RBFOX1: variants seen among roughly 807,000 people sequenced by gnomAD.
RBFOX1 encodes the protein RNA binding fox-1 homolog 1.
RBFOX1 carries 8 observed loss-of-function variants against 57.7 expected under a neutral mutation model. The ratio of observed to expected loss-of-function variants is 0.14; its 90% CI spans 0.08 to 0.25. The LOEUF (loss-of-function observed/expected upper bound fraction) is 0.25, where lower values mean the gene tolerates loss of function less well. Ranked by LOEUF, RBFOX1 falls within the 10% of genes least tolerant of loss-of-function variation. The pLI, the probability that RBFOX1 is intolerant of heterozygous loss-of-function variation, is 1.00. For synonymous variants in RBFOX1, 326 were observed against 222.4 expected (o/e 1.47, Z -4.15); for missense variants, 611 against 548.5 (o/e 1.11, Z -1.14).
In RBFOX1 at chr16:5,984,964, ATATATATATATATTTT is replaced by A. The variant is rs1245913542; in HGVS notation, c.351+117631_351+117646del. On this transcript the variant is annotated intron_variant, in intron 4 of 19. Transcript: ENST00000641259. ...AACTCCATTATATATATATATATAT[ATATATATATATATTTT>A]TTTTTTTTTTTTTTTTCTTTGAGAC... Among the ~76,000 whole-genome samples the A allele has an allele frequency of 9.3e-3, 389 of 42,040 alleles. 6 individuals carry two copies. Among genetic ancestry groups the A allele is most frequent in the African/African-American group, 0.033 (367 of 11,146 alleles). 27.6% of individuals were successfully genotyped at this position (42,040 alleles called of 152,430 possible). A position where few individuals can be genotyped will look rare whatever the true frequency, so the allele number is the denominator to read the frequency against.
At chr16:7,055,048 T>C (rs2051655872) in intron 4 of RBFOX1, among the ~76,000 whole-genome samples, 1 of 152,188 alleles carries the variant, frequency 6.6e-6, no homozygotes, top group Admixed American at 6.5e-5. Context: ...AAACAGACAC[T>C]GTGAAGTGCT....
chr16:5,591,747 C>G (rs1479869440), intron 2 of RBFOX1, among the ~76,000 whole-genome samples: 2 of 152,166 alleles, frequency 1.3e-5, no homozygotes, highest in Admixed American at 1.3e-4. Flanking sequence ...TCTGGATTCA[C>G]TATAACTTAT....
intron 3 of RBFOX1, among the ~76,000 whole-genome samples, chr16:6,699,915 T>C (rs1351601623): frequency 6.6e-6 from 1 of 152,160 alleles, no homozygotes; most frequent in East Asian, 1.9e-4. Context: ...TAATGTTAAA[T>C]TTGTGGACAG....
At chr16:5,415,422 T>G (rs1042424344) in intron 1 of RBFOX1, among the ~76,000 whole-genome samples, 4 of 152,176 alleles carry the variant, frequency 2.6e-5, no homozygotes, top group Non-Finnish European at 4.4e-5. Flanking sequence ...ACGTGAGGAT[T>G]ACAATTAGAG....
chr16:5,970,050 C>G (rs2059932417), intron 4 of RBFOX1, among the ~76,000 whole-genome samples: 1 of 152,092 alleles, frequency 6.6e-6, no homozygotes, highest in African/African-American at 2.4e-5. Flanking sequence ...CAGATTGGCA[C>G]TCTACACATT....
intron 3 of RBFOX1, among the ~76,000 whole-genome samples, chr16:6,992,223 G>C (rs954426707): frequency 7.3e-5 from 11 of 151,638 alleles, no homozygotes; most frequent in African/African-American, 2.7e-4. Flanking sequence ...GAGTGCAGTG[G>C]TGCAATCTCG....
rs76734528 is a variant in RBFOX1 at position 5,920,987 on chromosome 16, T to C, written c.351+53652T>C. Among the ~76,000 whole-genome samples the C allele has an allele frequency of 5.6e-4, 85 of 152,334 alleles. No individual in the cohort carries two copies. In the East Asian group the frequency reaches 0.015, roughly 28 times the overall value. ...TGTTCTCCTCTTCCCTGTGTGACGT[T>C]GAGCAGGAGACTCCATGGATAATGG... On this transcript the variant is annotated intron_variant, in intron 4 of 19. Coordinates refer to the RBFOX1 transcript ENST00000641259.
At chr16:7,622,047 C>G (rs1456359495) in intron 10 of RBFOX1, among the ~76,000 whole-genome samples, 1 of 152,166 alleles carries the variant, frequency 6.6e-6, no homozygotes, top group Non-Finnish European at 1.5e-5. Context: ...TCGTAAAAAG[C>G]ATTCCTAGCT....
chr16:6,675,578 A>G (rs567931117), intron 3 of RBFOX1, among the ~76,000 whole-genome samples: 2 of 152,320 alleles, frequency 1.3e-5, no homozygotes, highest in Admixed American at 6.5e-5. Flanking sequence ...GCTGATAAAG[A>G]TGTACCTGAG....
intron 4 of RBFOX1, among the ~76,000 whole-genome samples, chr16:7,241,844 G>C (rs927214244): frequency 4.0e-5 from 6 of 151,640 alleles, no homozygotes; most frequent in Non-Finnish European, 8.8e-5. Flanking sequence ...TATTAAATAT[G>C]TAAATATGTA....
chr16:5,322,893 C>A (rs982920126), intron 1 of RBFOX1, among the ~76,000 whole-genome samples: 1 of 152,198 alleles, frequency 6.6e-6, no homozygotes, highest in Non-Finnish European at 1.5e-5. Flanking sequence ...TCAGTGGTTT[C>A]TCTTCCGGCA....
At chr16:6,960,047 C>T (rs1424562658) in intron 3 of RBFOX1, among the ~76,000 whole-genome samples, 2 of 152,064 alleles carry the variant, frequency 1.3e-5, no homozygotes, top group Non-Finnish European at 2.9e-5. Flanking sequence ...GGCCTTGAAA[C>T]ATGACAAGAT....
chr16:7,469,473 T>C (rs8062630), intron 4 of RBFOX1, among the ~76,000 whole-genome samples: 513 of 152,282 alleles, frequency 3.4e-3, no homozygotes, highest in African/African-American at 0.011. Context: ...GGCACGCTTT[T>C]CTTGGGCCAC....
rs113101923 is a variant in RBFOX1 at position 6,100,442 on chromosome 16, A to G, written c.-127+80450A>G. Among the ~76,000 whole-genome samples the G allele has an allele frequency of 8.3e-3, 1,260 of 152,322 alleles. 18 individuals are homozygous for G. Among genetic ancestry groups the G allele is most frequent in the African/African-American group, 0.029 (1,191 of 41,578 alleles). The stretch of plus-strand genomic sequence containing the variant: ...CTCCCAAAGTGCTGGGATTACAGGC[A>G]TGAGCCACCGCGCCCGGCCGGCTTA... On this transcript the variant is annotated intron_variant, in intron 1 of 15. Coordinates refer to ENST00000550418, the MANE Select transcript of RBFOX1 (RefSeq NM_018723.4).
intron 3 of RBFOX1, among the ~76,000 whole-genome samples, chr16:6,782,195 C>T (rs570357702): frequency 2.0e-5 from 3 of 152,114 alleles, no homozygotes; most frequent in Non-Finnish European, 4.4e-5. Context: ...TCAGTAGATA[C>T]AGGGTTTCGC....
chr16:5,994,688 G>C (rs1199569813), intron 4 of RBFOX1, among the ~76,000 whole-genome samples: 1 of 152,198 alleles, frequency 6.6e-6, no homozygotes, highest in Non-Finnish European at 1.5e-5. Context: ...GTGTGTGGCT[G>C]TGTTCCAATA....
At chr16:6,731,135 A>G (rs1485774079) in intron 3 of RBFOX1, among the ~76,000 whole-genome samples, 1 of 152,176 alleles carries the variant, frequency 6.6e-6, no homozygotes, top group Non-Finnish European at 1.5e-5. Flanking sequence ...TTAGAAGATG[A>G]ATACAGAGGG....
intron 3 of RBFOX1, among the ~76,000 whole-genome samples, chr16:5,817,094 A>T (rs995761308): frequency 6.6e-6 from 1 of 152,166 alleles, no homozygotes; most frequent in Admixed American, 6.5e-5. Context: ...TCAGCTGAGG[A>T]TATCCCCTTT....
chr16:5,571,405 G>C (rs1218860448), intron 2 of RBFOX1, among the ~76,000 whole-genome samples: 1 of 151,510 alleles, frequency 6.6e-6, no homozygotes, highest in Non-Finnish European at 1.5e-5. Context: ...AGTAGAGATG[G>C]GGTTTCACCC....
Sources: gnomAD v4.1 joint callset for allele counts (sites outside exome capture counted in the v4.1 genomes callset) on GRCh38, gnomAD v4.1.1 for gene constraint, MANE v1.5 for transcripts, NCBI Gene and HGNC (gene_info 2026-07-23, HGNC 2026-07-21) for gene names.